The following TNFRSF10B variants were observed in gnomAD, a reference collection of about 807,000 sequenced individuals.
TNFRSF10B encodes TNF receptor superfamily member 10b, also known as tumor necrosis factor receptor superfamily member 10B.
TNFRSF10B carries 35 observed loss-of-function variants against 41.4 expected under a neutral mutation model. The observed-to-expected ratio is 0.85, with a 90% CI of 0.65 to 1.12. TNFRSF10B has a LOEUF of 1.12. Ranked by LOEUF, TNFRSF10B falls within the 50% of genes most tolerant of loss-of-function variation. The pLI, the probability that TNFRSF10B is intolerant of heterozygous loss-of-function variation, is 0.00. For synonymous variants in TNFRSF10B, 230 were observed against 215.5 expected, an observed-to-expected ratio of 1.07 and a Z score of -0.59; for missense variants, 584 against 552.7, an observed-to-expected ratio of 1.06 and a Z score of -0.57.
chr8:23,065,049 G>A (rs1812943161), intron 1 of TNFRSF10B, among the ~76,000 whole-genome samples: 1 of 152,218 alleles, frequency 6.6e-6, no homozygotes. Flanking sequence ...GGAGGTGACA[G>A]TGGTGGGACC....
In TNFRSF10B at chr8:23,021,638, G is replaced by T. The variant is rs977259464; in HGVS notation, c.*1033C>A. ...AATGAGACTGCCCAGGTAGGGACCA[G>T]CCACACACAGGACTTCACGTGGATC... On this transcript the variant is annotated 3_prime_UTR_variant, in exon 9 of 9. Coordinates refer to ENST00000276431, the MANE Select transcript of TNFRSF10B (RefSeq NM_003842.5). 1 of 454,120 alleles carries T rather than the reference G, an allele frequency of 2.2e-6. No homozygotes were observed. Among genetic ancestry groups the T allele is most frequent in the African/African-American group, 2.0e-5 (1 of 50,116 alleles). The allele number at this position is 454,120 out of a possible 1,614,324, so 28.1% of individuals were successfully genotyped here.
intron 1 of TNFRSF10B, among the ~76,000 whole-genome samples, chr8:23,045,060 C>CAAAAA (rs35953846): frequency 4.9e-4 from 19 of 38,800 alleles, no homozygotes; most frequent in Admixed American, 8.1e-4. Flanking sequence ...TAATAAAATA[C>CAAAAA]AAAAAAAAAA....
At chr8:23,027,070 A>G (rs1811723705) in intron 7 of TNFRSF10B, 63 bp downstream of exon 7, 1 of 1,611,286 alleles carries the variant, frequency 6.2e-7, no homozygotes, top group East Asian at 2.2e-5. Flanking sequence ...GCCCTCTCCC[A>G]CTGTCTACGA....
rs1258483081 is a variant in TNFRSF10B, at chr8:23,020,269, CACCA to C, written c.*2398_*2401del. 2 of 454,114 alleles carry C rather than the reference CACCA, an allele frequency of 4.4e-6. No homozygotes were observed. Among genetic ancestry groups the C allele is most frequent in the South Asian group, 1.6e-5 (1 of 64,476 alleles). 28.1% of individuals were successfully genotyped at this position (454,114 alleles called of 1,614,324 possible). The stretch of plus-strand genomic sequence containing the variant: ...TTGACAGGGCAGAAGCATGAAAGGA[CACCA>C]ACCACGAGTGACACACTATACTATG... On this transcript the variant is annotated 3_prime_UTR_variant, in exon 9 of 9. Transcript: ENST00000276431.
At chr8:23,042,839 G>C (rs1021218914) in intron 2 of TNFRSF10B, 1 of 316,766 alleles carries the variant, frequency 3.2e-6, no homozygotes, top group African/African-American at 2.1e-5. Context: ...CTGAACCTCT[G>C]GCCCTGCCCT....
intron 1 of TNFRSF10B, among the ~76,000 whole-genome samples, chr8:23,045,654 A>G (rs542165869): frequency 1.2e-4 from 19 of 152,380 alleles, no homozygotes; most frequent in Non-Finnish European, 2.4e-4. Flanking sequence ...TTATAGGCCA[A>G]TATCTCTAAT....
intron 1 of TNFRSF10B, chr8:23,049,999 G>C (rs1563319430): frequency 6.6e-6 from 1 of 152,274 alleles, no homozygotes; most frequent in African/African-American, 2.4e-5. Flanking sequence ...TTCCCCAGGG[G>C]ACCCTCCAGA....
Position 23,025,234 on chromosome 8 carries a change from C to T in TNFRSF10B, c.937-974G>A, listed in dbSNP as rs115389576. ...GAAGACCCAAAATGCAAAGAAACAG[C>T]TTTGATGAGGAATAGGAAAAATTTA... On this transcript the variant is annotated intron_variant, in intron 7 of 8. Transcript: ENST00000276431. Among the ~76,000 whole-genome samples the T allele has an allele frequency of 8.8e-3, 1,337 of 152,132 alleles. 16 individuals carry two copies. The highest frequency in any genetic ancestry group is 0.031 in the African/African-American group (1,273 of 41,496).
rs1412920600 is a variant in TNFRSF10B at position 23,021,634 on chromosome 8, A to G, written c.*1037T>C. ...TGCAAATGAGACTGCCCAGGTAGGG[A>G]CCAGCCACACACAGGACTTCACGTG... On this transcript the variant is annotated 3_prime_UTR_variant, in exon 9 of 9. Coordinates refer to ENST00000276431, the MANE Select transcript of TNFRSF10B (RefSeq NM_003842.5). 2.2e-6 allele frequency: 1 copy of G among 454,114 alleles called. No individual in the cohort carries two copies. The highest frequency in any genetic ancestry group is 2.0e-5 in the African/African-American group (1 of 50,118). The allele number at this position is 454,114 out of a possible 1,614,324, so 28.1% of individuals were successfully genotyped here.
At chr8:23,057,263 T>C (rs1054510917) in intron 1 of TNFRSF10B, among the ~76,000 whole-genome samples, 5 of 151,544 alleles carry the variant, frequency 3.3e-5, no homozygotes, top group African/African-American at 1.2e-4. Context: ...GCCAGGATGG[T>C]CTCAATCTCC....
rs915849587 is a variant in TNFRSF10B, at chr8:23,027,629, G to A, written c.780+93C>T. The A allele has an allele frequency of 5.7e-6, 9 of 1,565,608 alleles. No individual in the cohort carries two copies. In the African/African-American group the frequency reaches 8.1e-5, roughly 14 times the overall value. Reference sequence around the variant, plus strand: ...CACTTCAGAGAGTCAGGGCAGCCATGAGGACAATGGGGACCCACCCACCCA... The same window carrying A: ...CACTTCAGAGAGTCAGGGCAGCCATAAGGACAATGGGGACCCACCCACCCA... On this transcript the variant is annotated intron_variant, in intron 6 of 8. Coordinates refer to ENST00000276431, the MANE Select transcript of TNFRSF10B (RefSeq NM_003842.5).
rs142800640 is a variant in TNFRSF10B at position 23,063,990 on chromosome 8, T to C, written c.144+4761A>G. ...TTAGTGCAGCTTCCTAGAATCCACG[T>C]TACTCATTCATTCATTCATGGAAGG... On this transcript the variant is annotated intron_variant, in intron 1 of 8. Coordinates refer to ENST00000276431, the MANE Select transcript of TNFRSF10B (RefSeq NM_003842.5). Among the ~76,000 whole-genome samples the C allele has an allele frequency of 2.4e-3, 370 of 152,372 alleles. 8 individuals are homozygous for C. Among genetic ancestry groups the C allele is most frequent in the South Asian group, 0.024 (116 of 4,828 alleles).
chr8:23,049,783 CTCA>C (rs1812467186), intron 1 of TNFRSF10B: 2 of 152,148 alleles, frequency 1.3e-5, no homozygotes, highest in African/African-American at 2.4e-5. Context: ...TCACCTGCAT[CTCA>C]TTATTGGGCA....
At chr8:23,055,969 G>A (rs1008311193) in intron 1 of TNFRSF10B, among the ~76,000 whole-genome samples, 2 of 152,164 alleles carry the variant, frequency 1.3e-5, no homozygotes, top group South Asian at 4.1e-4. Context: ...TTGGTCTGGC[G>A]ATAATTTCCA....
chr8:23,033,567 G>T (rs1242905245), intron 2 of TNFRSF10B, among the ~76,000 whole-genome samples: 1 of 115,730 alleles, frequency 8.6e-6, no homozygotes, highest in African/African-American at 3.4e-5. Flanking sequence ...CAGCCTGGGC[G>T]ACAGCGAGAC....
intron 1 of TNFRSF10B, among the ~76,000 whole-genome samples, chr8:23,051,832 C>T (rs536164311): frequency 5.1e-4 from 78 of 152,260 alleles, no homozygotes; most frequent in African/African-American, 1.4e-3. Context: ...CGTGAGCCAC[C>T]GTGCCTGGCC....
At chr8:23,068,682 CCT>C in intron 1 of TNFRSF10B, 67 bp downstream of exon 1, 2 of 1,532,124 alleles carry the variant, frequency 1.3e-6, no homozygotes, top group Non-Finnish European at 1.8e-6. Context: ...GCCGTGTCCC[CCT>C]CTCTCCCTGC....
chr8:23,064,155 CAA>C (rs1812914867), intron 1 of TNFRSF10B, among the ~76,000 whole-genome samples: 1 of 152,196 alleles, frequency 6.6e-6, no homozygotes, highest in Non-Finnish European at 1.5e-5. Context: ...CATGAACTTG[CAA>C]AGAGTCTGGA....
intron 1 of TNFRSF10B, among the ~76,000 whole-genome samples, chr8:23,060,369 C>T (rs1293306675): frequency 1.3e-5 from 2 of 152,186 alleles, no homozygotes; most frequent in Non-Finnish European, 2.9e-5. Context: ...ATATCCGGTT[C>T]TCCTAGCCCC....
Sources: gnomAD v4.1 joint callset for allele counts (sites outside exome capture counted in the v4.1 genomes callset) on GRCh38, gnomAD v4.1.1 for gene constraint, MANE v1.5 for transcripts, NCBI Gene and HGNC (gene_info 2026-07-23, HGNC 2026-07-21) for gene names.